Variants in GPHN observed in about 807,000 individuals in gnomAD.
GPHN encodes the protein gephyrin.
A neutral mutation model predicts 95.5 loss-of-function variants in GPHN; 17 were observed. The ratio of observed to expected loss-of-function variants is 0.18; its 90% CI spans 0.12 to 0.27. The LOEUF (loss-of-function observed/expected upper bound fraction) is 0.27, where lower values mean the gene tolerates loss of function less well. Among genes scored for constraint, GPHN ranks in the 10% least tolerant of loss-of-function variants. The pLI, the probability that GPHN is intolerant of heterozygous loss-of-function variation, is 1.00. For synonymous variants in GPHN, 320 were observed against 322.5 expected, an observed-to-expected ratio of 0.99 and a Z score of 0.08; for missense variants, 660 against 978.1, an observed-to-expected ratio of 0.67 and a Z score of 4.34.
intron 4 of GPHN, among the ~76,000 whole-genome samples, chr14:66,836,824 C>A (rs2061843192): frequency 6.6e-6 from 1 of 151,980 alleles, no homozygotes; most frequent in Non-Finnish European, 1.5e-5. Context: ...ATTTATGCAG[C>A]CAGAAAACAC....
At chr14:67,428,847 T>C in the GPHN span, among the ~76,000 whole-genome samples, 57 of 152,320 alleles carry the variant, frequency 3.7e-4, 1 homozygote, top group African/African-American at 1.2e-3. Flanking sequence ...GGGGGCCTGC[T>C]GGAGAGAGAA....
intron 1 of GPHN, among the ~76,000 whole-genome samples, chr14:66,544,578 C>CTT (rs202211510): frequency 7.1e-6 from 1 of 141,604 alleles, no homozygotes; most frequent in African/African-American, 2.5e-5. Flanking sequence ...TTCTTTTTTT[C>CTT]TTTTTTTTTT....
At chr14:66,883,561 A>G (rs1244190024) in intron 5 of GPHN, among the ~76,000 whole-genome samples, 2 of 152,018 alleles carry the variant, frequency 1.3e-5, no homozygotes, top group Non-Finnish European at 2.9e-5. Flanking sequence ...TCCTTGTTCT[A>G]TGTTGAGAAA....
At chr14:66,963,527 A>G (rs902745668) in intron 8 of GPHN, among the ~76,000 whole-genome samples, 2 of 152,096 alleles carry the variant, frequency 1.3e-5, no homozygotes, top group African/African-American at 4.8e-5. Flanking sequence ...GGTCATTGCT[A>G]TGAAGGAGAG....
the GPHN span, among the ~76,000 whole-genome samples, chr14:67,696,553 A>G: frequency 1.2e-4 from 18 of 152,228 alleles, no homozygotes; most frequent in Admixed American, 1.2e-3. Flanking sequence ...GTGTTCATTG[A>G]TAATAGAATA....
At chr14:67,158,475 G>A (rs559171512) in intron 18 of GPHN, among the ~76,000 whole-genome samples, 6 of 152,192 alleles carry the variant, frequency 3.9e-5, no homozygotes, top group South Asian at 2.1e-4. Flanking sequence ...CAGCAATCCC[G>A]GTGAGATGAT....
the GPHN span, among the ~76,000 whole-genome samples, chr14:67,278,038 C>CTTT: frequency 1.4e-5 from 2 of 138,788 alleles, no homozygotes; most frequent in African/African-American, 2.6e-5. Context: ...AACCCCAATT[C>CTTT]TTTTTTTTTT....
At chr14:67,019,449 A>G (rs1299512968) in intron 9 of GPHN, among the ~76,000 whole-genome samples, 1 of 152,202 alleles carries the variant, frequency 6.6e-6, no homozygotes, top group Non-Finnish European at 1.5e-5. Context: ...ATTTTTCAAT[A>G]TGAACCATAC....
the GPHN span, among the ~76,000 whole-genome samples, chr14:67,272,784 G>C: frequency 6.6e-6 from 1 of 152,030 alleles, no homozygotes; most frequent in Admixed American, 6.6e-5. Flanking sequence ...TCAGCTTCCC[G>C]AGTAGCTGGG....
chr14:66,864,388 C>T (rs1467705829), intron 4 of GPHN, among the ~76,000 whole-genome samples: 1 of 152,138 alleles, frequency 6.6e-6, no homozygotes, highest in Non-Finnish European at 1.5e-5. Flanking sequence ...AGTACAACCA[C>T]CATGGAGAAC....
Position 67,070,424 on chromosome 14 carries a change from G to A in GPHN, c.1144+11638G>A, listed in dbSNP as rs892884293. On this transcript the variant is annotated intron_variant, in intron 11 of 22. Coordinates refer to ENST00000478722, the MANE Select transcript of GPHN (RefSeq NM_020806.5). ...TCAAAAATTATATTACCGGCCGGGC[G>A]CGGTGGCTCACGCCTGTAATCCCAG... Among the ~76,000 whole-genome samples, 3 of 149,288 alleles carry A rather than the reference G, an allele frequency of 2.0e-5. No homozygotes were observed. The South Asian group carries it at 6.3e-4, about 31-fold the overall frequency.
the GPHN span, among the ~76,000 whole-genome samples, chr14:67,581,304 A>G: frequency 6.6e-6 from 1 of 152,042 alleles, no homozygotes; most frequent in South Asian, 2.1e-4. Flanking sequence ...ACACACAAAC[A>G]TCTGCCAAGA....
the GPHN span, among the ~76,000 whole-genome samples, chr14:67,329,098 TC>T: frequency 1.3e-5 from 2 of 152,226 alleles, no homozygotes; most frequent in Non-Finnish European, 2.9e-5. Flanking sequence ...TATTGATTCT[TC>T]CCATCCATGA....
At chr14:67,192,946 ATCTC>A in the GPHN span, among the ~76,000 whole-genome samples, 2 of 146,704 alleles carry the variant, frequency 1.4e-5, no homozygotes, top group Admixed American at 6.9e-5. Context: ...CTAGATAAAT[ATCTC>A]TATATATCTA....
chr14:67,587,072 A>C, the GPHN span: 1 of 1,595,248 alleles, frequency 6.3e-7, no homozygotes, highest in African/African-American at 1.3e-5. Flanking sequence ...ACCTCCTCTT[A>C]GATTGCAGAA....
At chr14:67,286,241 C>T in the GPHN span, among the ~76,000 whole-genome samples, 4 of 152,308 alleles carry the variant, frequency 2.6e-5, no homozygotes, top group East Asian at 7.7e-4. Context: ...GCACATATAT[C>T]AGTCTTTCTC....
the GPHN span, among the ~76,000 whole-genome samples, chr14:67,280,837 T>A: frequency 7.5e-6 from 1 of 133,446 alleles, no homozygotes; most frequent in Admixed American, 7.8e-5. Context: ...CCTTCCTTCC[T>A]TCCTTCCTTC....
At chr14:67,542,520 C>A in the GPHN span, among the ~76,000 whole-genome samples, 1 of 152,212 alleles carries the variant, frequency 6.6e-6, no homozygotes, top group African/African-American at 2.4e-5. Context: ...ATGTCTACTT[C>A]TAAGAGTTAT....
chr14:67,678,906 A>G, the GPHN span, among the ~76,000 whole-genome samples: 1 of 152,358 alleles, frequency 6.6e-6, no homozygotes, highest in African/African-American at 2.4e-5. Flanking sequence ...TCATATGAGA[A>G]GTAAAGCCAG....
Sources: gnomAD v4.1 joint callset for allele counts (sites outside exome capture counted in the v4.1 genomes callset) on GRCh38, gnomAD v4.1.1 for gene constraint, MANE v1.5 for transcripts, NCBI Gene and HGNC (gene_info 2026-07-23, HGNC 2026-07-21) for gene names.